NEXN: variants seen among roughly 807,000 people sequenced by gnomAD.
NEXN encodes nexilin.
In NEXN, 65 loss-of-function variants were observed where a neutral mutation model predicts 92.6. That is an observed-to-expected ratio of 0.70 (90% CI 0.57 to 0.86). NEXN has a LOEUF of 0.86. NEXN is among the 40% of genes least tolerant of loss of function. The pLI, the probability that NEXN is intolerant of heterozygous loss-of-function variation, is 0.00. For synonymous variants in NEXN, 254 were observed against 242.5 expected (o/e 1.05, Z -0.44); for missense variants, 778 against 771.1 (o/e 1.01, Z -0.11).
intron 1 of NEXN, among the ~76,000 whole-genome samples, chr1:77,891,016 G>A (rs1012229165): frequency 2.6e-5 from 4 of 152,070 alleles, no homozygotes; most frequent in Non-Finnish European, 4.4e-5. Context: ...TATCACCTGT[G>A]TAGTTTCTTT....
intron 5 of NEXN, among the ~76,000 whole-genome samples, chr1:77,918,580 C>T (rs946642572): frequency 3.3e-5 from 5 of 150,434 alleles, no homozygotes; most frequent in African/African-American, 7.3e-5. Flanking sequence ...GTAGGAGGTT[C>T]GCTTGAGCCT....
chr1:77,890,205 T>C (rs572075474), intron 1 of NEXN, among the ~76,000 whole-genome samples: 1 of 152,332 alleles, frequency 6.6e-6, no homozygotes, highest in African/African-American at 2.4e-5. Context: ...AGATATTTTA[T>C]ATTTTGACTA....
At chr1:77,910,481 G>C (rs938782625) in intron 1 of NEXN, among the ~76,000 whole-genome samples, 1 of 152,116 alleles carries the variant, frequency 6.6e-6, no homozygotes, top group African/African-American at 2.4e-5. Context: ...GGCTGGGCTC[G>C]GTGGCTAACG....
intron 9 of NEXN, among the ~76,000 whole-genome samples, chr1:77,932,748 CA>C (rs1650407606): frequency 6.6e-6 from 1 of 152,216 alleles, no homozygotes; most frequent in South Asian, 2.1e-4. Flanking sequence ...TTCATAACCA[CA>C]AAATACCTCG....
intron 8 of NEXN, among the ~76,000 whole-genome samples, chr1:77,928,026 T>C (rs1193788531): frequency 6.6e-6 from 1 of 152,086 alleles, no homozygotes; most frequent in Non-Finnish European, 1.5e-5. Flanking sequence ...GATTTAAAAA[T>C]GCGCCAGGCA....
chr1:77,904,400 G>A (rs1382466649), intron 1 of NEXN, among the ~76,000 whole-genome samples: 1 of 152,134 alleles, frequency 6.6e-6, no homozygotes, highest in African/African-American at 2.4e-5. Flanking sequence ...GTTTCTAAAA[G>A]ACTAATAATC....
chr1:77,937,524 T>C (rs555476123), intron 11 of NEXN, among the ~76,000 whole-genome samples: 8 of 151,936 alleles, frequency 5.3e-5, no homozygotes, highest in Non-Finnish European at 8.8e-5. Context: ...ACCCTGTCTC[T>C]ACAAAAATAC....
intron 1 of NEXN, among the ~76,000 whole-genome samples, chr1:77,915,262 G>C (rs939874895): frequency 6.6e-6 from 1 of 151,976 alleles, no homozygotes; most frequent in African/African-American, 2.4e-5. Context: ...ACAGTGAACT[G>C]TCATTGTGCC....
At chr1:77,890,391 C>T (rs1344666565) in intron 1 of NEXN, among the ~76,000 whole-genome samples, 2 of 152,102 alleles carry the variant, frequency 1.3e-5, no homozygotes, top group Non-Finnish European at 2.9e-5. Context: ...AATCCATTTT[C>T]AATTGAAATG....
At chr1:77,926,377 A>G in intron 6 of NEXN, 37 bp from the exon 7 acceptor site, 2 of 1,465,004 alleles carry the variant, frequency 1.4e-6, no homozygotes, top group Non-Finnish European at 1.9e-6. Flanking sequence ...AATTTTGATT[A>G]AGAAGAAATA....
intron 2 of NEXN, 131 bp downstream of exon 2, chr1:77,916,264 G>A: frequency 1.8e-6 from 1 of 553,228 alleles, no homozygotes; most frequent in African/African-American, 1.9e-5. Context: ...ATGGCAAGAT[G>A]TAAAACAAGA....
chr1:77,927,599 T>TGTGTGA (rs796691010), intron 8 of NEXN, among the ~76,000 whole-genome samples: 2 of 32,468 alleles, frequency 6.2e-5, no homozygotes, highest in African/African-American at 2.0e-4. Flanking sequence ...TGTGTGTGTG[T>TGTGTGA]GTCTGTGTGT....
chr1:77,916,336 A>G (rs1381553504), intron 2 of NEXN, among the ~76,000 whole-genome samples: 1 of 152,212 alleles, frequency 6.6e-6, no homozygotes, highest in Non-Finnish European at 1.5e-5. Flanking sequence ...AGGAAATTCT[A>G]CAAAGCATGA....
chr1:77,916,202 G>T, intron 2 of NEXN, 69 bp downstream of exon 2: 1 of 1,256,022 alleles, frequency 8.0e-7, no homozygotes, highest in Non-Finnish European at 1.1e-6. Context: ...TTGCTGAAAG[G>T]ACAGTCATTT....
intron 1 of NEXN, among the ~76,000 whole-genome samples, chr1:77,900,534 A>T (rs1647616215): frequency 6.6e-6 from 1 of 152,230 alleles, no homozygotes; most frequent in Non-Finnish European, 1.5e-5. Context: ...TCACAAAAAT[A>T]ATGTATTGTA....
chr1:77,922,598 ATTCTTTT>A (rs1649512644), intron 5 of NEXN, among the ~76,000 whole-genome samples: 1 of 149,932 alleles, frequency 6.7e-6, no homozygotes, highest in African/African-American at 2.5e-5. Flanking sequence ...ATACAAAATT[ATTCTTTT>A]TTTTTTTTTT....
chr1:77,923,458 TG>T (rs1355181437), intron 5 of NEXN, among the ~76,000 whole-genome samples: 1 of 152,138 alleles, frequency 6.6e-6, no homozygotes, highest in East Asian at 1.9e-4. Context: ...ACTCTTTCAT[TG>T]GTTTTAAAAG....
In NEXN at chr1:77,909,191, C is replaced by T. The variant is rs954401495; in HGVS notation, c.-52-6864C>T. On this transcript the variant is annotated intron_variant, in intron 1 of 12. Transcript: ENST00000334785. ...ATCCCAAAACTTTGGGAGGCGAAGG[C>T]GGGTGGATCACTTGAAGTCAGGAGT... is the stretch of plus-strand genomic sequence containing the variant. 9.2e-5 allele frequency among the ~76,000 whole-genome samples: 14 copies of T among 152,192 alleles called. No homozygotes were observed. In the South Asian group the frequency reaches 1.2e-3, roughly 14 times the overall value.
chr1:77,933,938 T>C (rs906921747), intron 10 of NEXN, among the ~76,000 whole-genome samples: 2 of 151,954 alleles, frequency 1.3e-5, no homozygotes, highest in African/African-American at 4.8e-5. Context: ...CATGCTCAAG[T>C]GATCCTCATG....
Sources: gnomAD v4.1 joint callset for allele counts (sites outside exome capture counted in the v4.1 genomes callset) on GRCh38, gnomAD v4.1.1 for gene constraint, MANE v1.5 for transcripts, NCBI Gene and HGNC (gene_info 2026-07-23, HGNC 2026-07-21) for gene names.